PHTF2: variants seen among roughly 807,000 people sequenced by gnomAD.
The protein encoded by PHTF2 is putative homeodomain transcription factor 2.
In PHTF2, 60 loss-of-function variants were observed where a neutral mutation model predicts 101.2. That is an observed-to-expected ratio of 0.59 (90% CI 0.48 to 0.73). PHTF2 has a LOEUF of 0.73. PHTF2 is among the 30% of genes least tolerant of loss of function. The probability of loss-of-function intolerance (pLI) is 0.00; values close to 1 mark genes in which losing one functional copy is unlikely to be tolerated. For synonymous variants in PHTF2, 311 were observed against 307.3 expected, an observed-to-expected ratio of 1.01 and a Z score of -0.13; for missense variants, 747 against 908.7, an observed-to-expected ratio of 0.82 and a Z score of 2.29.
chr7:77,821,405 G>A (rs1794280089), intron 1 of PHTF2, among the ~76,000 whole-genome samples: 1 of 152,276 alleles, frequency 6.6e-6, no homozygotes, highest in African/African-American at 2.4e-5. Flanking sequence ...ATTTGCAGCT[G>A]TTATTTCATT....
At chr7:77,841,809 A>G (rs554539105) in intron 2 of PHTF2, among the ~76,000 whole-genome samples, 5 of 152,336 alleles carry the variant, frequency 3.3e-5, no homozygotes, top group Non-Finnish European at 7.4e-5. Flanking sequence ...CTAAAGAGCT[A>G]AAGAAAATTG....
At chr7:77,893,953 C>T in intron 4 of PHTF2, 29 bp from the exon 4 acceptor site, 1 of 1,569,716 alleles carries the variant, frequency 6.4e-7, no homozygotes, top group Non-Finnish European at 8.8e-7. Context: ...GCTTTTTCTC[C>T]CTTTTGATGC....
chr7:77,838,005 G>A (rs1341594666), intron 1 of PHTF2, among the ~76,000 whole-genome samples: 1 of 152,042 alleles, frequency 6.6e-6, no homozygotes, highest in Non-Finnish European at 1.5e-5. Context: ...GTGAAAAGAG[G>A]GTAAAGTGAA....
At chr7:77,898,462 TTAAA>T (rs1801077183) in intron 5 of PHTF2, among the ~76,000 whole-genome samples, 1 of 152,240 alleles carries the variant, frequency 6.6e-6, no homozygotes, top group Admixed American at 6.5e-5. Flanking sequence ...GAAGTTTTGT[TTAAA>T]TATATGTATT....
intron 1 of PHTF2, among the ~76,000 whole-genome samples, chr7:77,816,707 T>A (rs950588697): frequency 6.6e-6 from 1 of 152,228 alleles, no homozygotes; most frequent in African/African-American, 2.4e-5. Context: ...TTCACAAATC[T>A]CTTCTGATCT....
chr7:77,820,700 T>A (rs1794217556), intron 1 of PHTF2, among the ~76,000 whole-genome samples: 1 of 152,192 alleles, frequency 6.6e-6, no homozygotes, highest in African/African-American at 2.4e-5. Context: ...AGTTCAGCAT[T>A]TCTGTGGTAT....
intron 17 of PHTF2, among the ~76,000 whole-genome samples, chr7:77,950,081 T>C (rs1284054037): frequency 2.6e-5 from 4 of 152,250 alleles, no homozygotes; most frequent in African/African-American, 9.6e-5. Context: ...GTTAAATTAA[T>C]GTATTTTAAA....
intron 3 of PHTF2, among the ~76,000 whole-genome samples, chr7:77,892,281 C>A (rs1800506115): frequency 6.6e-6 from 1 of 152,098 alleles, no homozygotes; most frequent in African/African-American, 2.4e-5. Flanking sequence ...CAGAGCGAGA[C>A]TCTATCTCAA....
At chr7:77,956,591 G>T (rs1474636572) in exon 20 of PHTF2, 1 of 152,522 alleles carries the variant, frequency 6.6e-6, no homozygotes, top group African/African-American at 2.4e-5. Flanking sequence ...CTTAGGCTTT[G>T]TCTGATGTTT....
At chr7:77,944,334 G>T (rs537948266) in intron 16 of PHTF2, among the ~76,000 whole-genome samples, 1 of 152,286 alleles carries the variant, frequency 6.6e-6, no homozygotes, top group East Asian at 1.9e-4. Context: ...TGAAAAGTTG[G>T]ATAAGAAAAA....
At chr7:77,898,759 C>T (rs1177020125) in intron 5 of PHTF2, among the ~76,000 whole-genome samples, 1 of 152,038 alleles carries the variant, frequency 6.6e-6, no homozygotes, top group Non-Finnish European at 1.5e-5. Context: ...CACTGTAAAT[C>T]ATATCTGAAC....
intron 3 of PHTF2, among the ~76,000 whole-genome samples, chr7:77,891,581 T>TTG (rs373881454): frequency 4.9e-4 from 75 of 151,738 alleles, no homozygotes; most frequent in Non-Finnish European, 9.4e-4. Flanking sequence ...ATGGTTTTTT[T>TTG]TTGTTGTTGT....
intron 1 of PHTF2, among the ~76,000 whole-genome samples, chr7:77,809,863 G>A (rs943632390): frequency 6.6e-6 from 1 of 152,034 alleles, no homozygotes; most frequent in Non-Finnish European, 1.5e-5. Flanking sequence ...TTCTTCTGAT[G>A]GAAGCAGATT....
intron 18 of PHTF2, among the ~76,000 whole-genome samples, 196 bp from the exon 18 acceptor site, chr7:77,953,573 T>C (rs1806735641): frequency 6.6e-6 from 1 of 152,214 alleles, no homozygotes. Flanking sequence ...TAAAGGAAGT[T>C]CCTTTTTCCT....
At chr7:77,895,950 C>T (rs916837584) in intron 5 of PHTF2, 2 of 152,156 alleles carry the variant, frequency 1.3e-5, no homozygotes, top group African/African-American at 2.4e-5. Flanking sequence ...GTCCTTGTTT[C>T]ACTCTTTCCT....
intron 1 of PHTF2, among the ~76,000 whole-genome samples, chr7:77,821,470 A>C (rs1306233695): frequency 1.3e-5 from 2 of 151,120 alleles, no homozygotes; most frequent in Admixed American, 6.6e-5. Context: ...CTGTGGATGT[A>C]TGTATCTGCT....
chr7:77,807,527 G>A (rs925801495), intron 1 of PHTF2, among the ~76,000 whole-genome samples: 2 of 152,000 alleles, frequency 1.3e-5, no homozygotes, highest in Admixed American at 6.6e-5. Flanking sequence ...CAAATCCTTT[G>A]CCCATTTTAA....
intron 11 of PHTF2, chr7:77,923,889 A>C: frequency 1.0e-6 from 1 of 972,870 alleles, no homozygotes; most frequent in Non-Finnish European, 1.2e-6. Flanking sequence ...GAAGCGCAGA[A>C]CATTATTCTA....
At chr7:77,895,036 G>C in intron 5 of PHTF2, 1 of 363,226 alleles carries the variant, frequency 2.8e-6, no homozygotes, top group Non-Finnish European at 5.4e-6. Flanking sequence ...AAGATTTTAA[G>C]CAGAAGATTA....
Sources: gnomAD v4.1 joint callset for allele counts (sites outside exome capture counted in the v4.1 genomes callset) on GRCh38, gnomAD v4.1.1 for gene constraint, MANE v1.5 for transcripts, NCBI Gene and HGNC (gene_info 2026-07-23, HGNC 2026-07-21) for gene names.